NSMAF: variants seen among roughly 807,000 people sequenced by gnomAD.
The protein encoded by NSMAF is protein FAN.
A neutral mutation model predicts 134.9 loss-of-function variants in NSMAF; 90 were observed. The observed-to-expected ratio is 0.67, with a 90% CI of 0.56 to 0.79. The LOEUF (loss-of-function observed/expected upper bound fraction) is 0.79. Ranked by LOEUF, NSMAF falls within the 30% of genes least tolerant of loss-of-function variation. NSMAF has a pLI of 0.00. For missense variants in NSMAF, 1,010 were observed against 1,119.0 expected, an observed-to-expected ratio of 0.90 and a Z score of 1.39; for synonymous variants, 358 against 389.6, an observed-to-expected ratio of 0.92 and a Z score of 0.96.
At chr8:58,654,637 C>T (rs776451459) in intron 1 of NSMAF, among the ~76,000 whole-genome samples, 1 of 152,194 alleles carries the variant, frequency 6.6e-6, no homozygotes, top group African/African-American at 2.4e-5. Context: ...GTTGAAATCT[C>T]AAAGTGCCTG....
Position 58,601,476 on chromosome 8 carries a change from C to T in NSMAF, c.1185G>A (p.Pro395=), listed in dbSNP as rs758961529. ...TAACAAGATAAAAAAGTACATAACC[C>T]GGGGAAGAGTAGTGACTCCCATACA... The part of the protein sequence containing the change: ...KFMYGSHYSS[P]GYVLFYLVRI... Residue 395 remains proline (P), a synonymous_variant, in exon 15 of 31, where the codon CCG becomes CCA. Transcript: ENST00000038176. The T allele has an allele frequency of 1.1e-5, 18 of 1,610,424 alleles. No homozygotes were observed. The highest frequency in any genetic ancestry group is 9.9e-5 in the South Asian group (9 of 90,978).
rs769733340 is a variant in NSMAF, at chr8:58,599,311, C to T, written c.1506G>A (p.Val502=). The T allele has an allele frequency of 6.2e-7, 1 of 1,614,064 alleles. No individual in the cohort carries two copies. The highest frequency in any genetic ancestry group is 1.1e-5 in the South Asian group (1 of 91,080). Residue 502 remains valine, a synonymous_variant, in exon 19 of 31, where the codon GTG becomes GTA. Transcript: ENST00000038176. ...KSKDALESNY[V]SEHLHEWIDL... ...CAATCCACTCGTGAAGGTGTTCAGA[C>T]ACATAATTGCTTTCCAATGCATCTT...
chr8:58,659,073 T>TGGGGGGGGGG, intron 1 of NSMAF: 1 of 740,768 alleles, frequency 1.3e-6, no homozygotes. Flanking sequence ...GCAATGCGAG[T>TGGGGGGGGGG]GGGTGGTCGC....
intron 9 of NSMAF, among the ~76,000 whole-genome samples, chr8:58,619,676 C>T (rs1011319744): frequency 6.6e-6 from 1 of 151,908 alleles, no homozygotes; most frequent in African/African-American, 2.4e-5. Context: ...TAATAACATA[C>T]CATTTATAAT....
chr8:58,644,752 T>C (rs1459403560), intron 1 of NSMAF, among the ~76,000 whole-genome samples: 1 of 152,176 alleles, frequency 6.6e-6, no homozygotes, highest in East Asian at 1.9e-4. Flanking sequence ...AAAGAAAATG[T>C]GGCACATATA....
At chr8:58,590,759 C>G (rs921825060) in intron 24 of NSMAF, 108 bp downstream of exon 24, 8 of 1,175,464 alleles carry the variant, frequency 6.8e-6, no homozygotes, top group African/African-American at 4.8e-5. Context: ...ATTTACTACA[C>G]AGGAATAAAC....
At chr8:58,605,052 C>T (rs1391389043) in intron 12 of NSMAF, among the ~76,000 whole-genome samples, 1 of 152,114 alleles carries the variant, frequency 6.6e-6, no homozygotes, top group Non-Finnish European at 1.5e-5. Flanking sequence ...GCCCCAAAAT[C>T]CATTTTTAAA....
chr8:58,597,967 A>G, intron 19 of NSMAF, 65 bp from the exon 20 acceptor site: 18 of 1,144,008 alleles, frequency 1.6e-5, no homozygotes, highest in South Asian at 2.6e-5. Flanking sequence ...CACTGTTTAG[A>G]ACCTAAACAA....
intron 21 of NSMAF, chr8:58,596,034 G>A (rs1806129729): frequency 5.4e-6 from 1 of 184,944 alleles, no homozygotes; most frequent in Admixed American, 5.6e-5. Context: ...GTGTGGGGTG[G>A]GGAAAGCAGA....
intron 23 of NSMAF, among the ~76,000 whole-genome samples, chr8:58,593,588 A>T (rs1024811146): frequency 2.6e-5 from 4 of 152,204 alleles, no homozygotes; most frequent in African/African-American, 9.7e-5. Flanking sequence ...GAGTGCCAAC[A>T]CAGTGCTCTC....
At chr8:58,596,970 G>A (rs912688763) in intron 21 of NSMAF, among the ~76,000 whole-genome samples, 24 of 151,078 alleles carry the variant, frequency 1.6e-4, no homozygotes, top group Admixed American at 7.2e-4. Context: ...GGGTATAGAA[G>A]AGCATAATTA....
chr8:58,602,054 A>T lies in NSMAF; in HGVS notation c.1125+4T>A. 1.2e-6 allele frequency: 2 copies of T among 1,609,260 alleles called. No homozygotes were observed. Among genetic ancestry groups the T allele is most frequent in the African/African-American group, 2.7e-5 (2 of 74,852 alleles). ...AGAAACCAAGAATCTCTAAGTCCAC[A>T]TACCAGTAGTCTCTCCAGCCGTTCC... On this transcript the variant is annotated splice_donor_region_variant and intron_variant, in intron 14 of 30. Coordinates refer to ENST00000038176, the MANE Select transcript of NSMAF (RefSeq NM_003580.4).
intron 1 of NSMAF, among the ~76,000 whole-genome samples, chr8:58,645,290 G>A (rs1807420709): frequency 6.6e-6 from 1 of 152,050 alleles, no homozygotes; most frequent in Admixed American, 6.5e-5. Flanking sequence ...ACAAGAGGCT[G>A]CACACTAGGT....
intron 26 of NSMAF, 97 bp from the exon 27 acceptor site, chr8:58,587,798 T>A: frequency 3.0e-6 from 3 of 1,008,100 alleles, no homozygotes; most frequent in South Asian, 2.9e-5. Flanking sequence ...AATTTCCATT[T>A]AACAGACTTG....
chr8:58,601,557 A>AC, intron 14 of NSMAF, 22 bp from the exon 15 acceptor site: 1 of 1,576,994 alleles, frequency 6.3e-7, no homozygotes, highest in Non-Finnish European at 8.5e-7. Flanking sequence ...AAAAAAAAAA[A>AC]AAATAGAGCT....
rs191896602 is a variant in NSMAF, at chr8:58,627,664, A to G, written c.384+3832T>C. Among the ~76,000 whole-genome samples, 3 of 152,336 alleles carry G rather than the reference A, an allele frequency of 2.0e-5. No homozygotes were observed. In the East Asian group the frequency reaches 5.8e-4, roughly 29 times the overall value. On this transcript the variant is annotated intron_variant, in intron 6 of 30. Transcript: ENST00000038176. ...TATGGTTATACTTAACCAAGGAGGT[A>G]AAATAGCTCTACAAGAAAAACTATA... is the stretch of plus-strand genomic sequence containing the variant.
chr8:58,642,864 T>C (rs1807367138), intron 2 of NSMAF, 120 bp downstream of exon 2: 2 of 725,448 alleles, frequency 2.8e-6, no homozygotes, highest in East Asian at 5.4e-5. Flanking sequence ...AAATTTACTT[T>C]AATTTTTTTT....
intron 21 of NSMAF, among the ~76,000 whole-genome samples, chr8:58,597,122 C>A (rs1806154388): frequency 6.6e-6 from 1 of 152,084 alleles, no homozygotes; most frequent in Non-Finnish European, 1.5e-5. Flanking sequence ...AGAAAGAGAA[C>A]CACATCAAAA....
chr8:58,619,175 T>A (rs923020007), intron 9 of NSMAF, among the ~76,000 whole-genome samples: 1 of 152,016 alleles, frequency 6.6e-6, no homozygotes. Context: ...AAAATGGAAA[T>A]AAAATTAACG....
Sources: gnomAD v4.1 joint callset for allele counts (sites outside exome capture counted in the v4.1 genomes callset) on GRCh38, gnomAD v4.1.1 for gene constraint, MANE v1.5 for transcripts, NCBI Gene and HGNC (gene_info 2026-07-23, HGNC 2026-07-21) for gene names.